WDR81: variants seen among roughly 807,000 people sequenced by gnomAD.
WDR81 encodes the protein WD repeat-containing protein 81.
WDR81 carries 92 observed loss-of-function variants against 140.8 expected under a neutral mutation model. That is an observed-to-expected ratio of 0.65 (90% CI 0.55 to 0.78). WDR81 has a LOEUF of 0.78. Among genes scored for constraint, WDR81 ranks in the 30% least tolerant of loss-of-function variants. The pLI is 0.00. For synonymous variants in WDR81, 1,183 were observed against 1,156.4 expected, an observed-to-expected ratio of 1.02 and a Z score of -0.47; for missense variants, 2,502 against 2,636.4, an observed-to-expected ratio of 0.95 and a Z score of 1.12.
chr17:1,734,198 G>A lies in WDR81; in HGVS notation c.5161G>A (p.Val1721Ile), dbSNP rs143022530. 2.3e-3 allele frequency: 3,632 copies of A among 1,589,606 alleles called. 17 individuals are homozygous for A. Among genetic ancestry groups the A allele is most frequent in the Middle Eastern group, 0.018 (108 of 6,022 alleles). ...HVVSCDGAVHVWDPFTGKTLR... is the reference protein window; with the variant it reads ...HVVSCDGAVHIWDPFTGKTLR... Reference sequence around the variant, plus strand: ...GGTGAGCTGTGACGGGGCTGTGCACGTCTGGGACCCCTTCACAGGTGAGCG... The same window carrying A: ...GGTGAGCTGTGACGGGGCTGTGCACATCTGGGACCCCTTCACAGGTGAGCG... Residue 1721 changes from valine to isoleucine, a missense_variant, in exon 7 of 10, where the codon GTC becomes ATC. Val to Ile is a conservative substitution (Grantham distance 29). Coordinates refer to ENST00000409644, the MANE Select transcript of WDR81 (RefSeq NM_001163809.2).
rs758915205 is a variant in WDR81, at chr17:1,733,513, C to T, written c.4490-14C>T. 29 of 1,511,200 alleles carry T rather than the reference C, an allele frequency of 1.9e-5. No individual in the cohort carries two copies. Among genetic ancestry groups the T allele is most frequent in the East Asian group, 1.6e-4 (7 of 43,628 alleles). 93.6% of individuals were successfully genotyped at this position (1,511,200 alleles called of 1,614,324 possible). A position where few individuals can be genotyped will look rare whatever the true frequency, so the allele number is the denominator to read the frequency against. ...CATCTTCCCTGTCTCAGGACCTCTC[C>T]CACTCCTATCCAGGTGACATCATCC... On this transcript the variant is annotated splice_polypyrimidine_tract_variant and intron_variant, in intron 6 of 9. Coordinates refer to ENST00000409644, the MANE Select transcript of WDR81 (RefSeq NM_001163809.2).
chr17:1,721,536 A>C (rs561705473), upstream of WDR81, among the ~76,000 whole-genome samples: 21 of 151,374 alleles, frequency 1.4e-4, no homozygotes, highest in African/African-American at 5.1e-4. Flanking sequence ...ATAAATAAAA[A>C]ATCACTCGGG....
In WDR81 at chr17:1,735,768, G is replaced by C. The variant is rs372831815; in HGVS notation, c.5325+51G>C. ...ACTCGCCTGGTTCTCTGGGGACCTG[G>C]CAAGGAGGAGAGACTCCCCAAAAAC... On this transcript the variant is annotated intron_variant, in intron 8 of 9. Transcript: ENST00000409644. The surrounding 1 kb of genome is among the most constrained non-coding windows in gnomAD (Gnocchi z 4.2). 3.8e-6 allele frequency: 6 copies of C among 1,560,084 alleles called. No homozygotes were observed. Among genetic ancestry groups the C allele is most frequent in the Non-Finnish European group, 4.3e-6 (5 of 1,153,114 alleles).
chr17:1,720,310 T>C (rs545890672), upstream of WDR81, among the ~76,000 whole-genome samples: 214 of 152,278 alleles, frequency 1.4e-3, no homozygotes, highest in Non-Finnish European at 2.4e-3. Flanking sequence ...GGTGCTTGCA[T>C]TGGGATTCAG....
chr17:1,730,239 G>A (rs900998012), intron 1 of WDR81, 141 bp from the exon 2 acceptor site: 2 of 647,736 alleles, frequency 3.1e-6, no homozygotes, highest in African/African-American at 3.7e-5. Context: ...CGTGGAGGGG[G>A]TGGTGTGGGA....
In WDR81 at chr17:1,719,323, G is replaced by A. The variant is rs539755476; in HGVS notation, c.-124+2690G>A. ...AGCACTTTGGGAGGCTGAGGCAGGC[G>A]GATCACGAGGTCAGGAGATGGAGAA... On this transcript the variant is annotated intron_variant, in intron 1 of 10. Coordinates refer to the WDR81 transcript ENST00000309182. 6.1e-4 allele frequency among the ~76,000 whole-genome samples: 93 copies of A among 151,558 alleles called. 1 individual carries two copies. In the South Asian group the frequency reaches 0.011, roughly 17 times the overall value.
chr17:1,721,016 G>A (rs1021777519), upstream of WDR81, among the ~76,000 whole-genome samples: 1 of 152,148 alleles, frequency 6.6e-6, no homozygotes, highest in Non-Finnish European at 1.5e-5. Context: ...AGAAAAAGTA[G>A]TACCTGCTCA....
chr17:1,726,202 T>C lies in WDR81; in HGVS notation c.1243T>C (p.Phe415Leu). ...CAACAAGGGGGATAAGCAACTGGAC[T>C]TCACGTATGAGATGACACGGCAGGC... The part of the protein sequence containing the change: ...RLNKGDKQLD[F>L]TYEMTRQAFV... The change falls in exon 1 of 10, where the codon TTC (phenylalanine) becomes CTC (leucine). Residue 415 changes from phenylalanine to leucine, a missense_variant. Around this residue, in one of 3 missense-constraint regions of WDR81, gnomAD observed 218 missense variants for 279.6 expected, o/e 0.78. Transcript: ENST00000409644. 2 of 1,525,304 alleles carry C rather than the reference T, an allele frequency of 1.3e-6. No individual in the cohort carries two copies. Among genetic ancestry groups the C allele is most frequent in the Non-Finnish European group, 1.8e-6 (2 of 1,130,718 alleles). The allele number at this position is 1,525,304 out of a possible 1,614,324, so 94.5% of individuals were successfully genotyped here.
chr17:1,717,477 A>C (rs1041296677), intron 1 of WDR81, among the ~76,000 whole-genome samples: 7 of 152,212 alleles, frequency 4.6e-5, no homozygotes, highest in African/African-American at 1.7e-4. Flanking sequence ...CCTTCTGTTA[A>C]ATACGCACTC....
chr17:1,737,642 T>C lies in WDR81; in HGVS notation c.5783T>C (p.Leu1928Pro), dbSNP rs763374471. The C allele has an allele frequency of 1.9e-6, 3 of 1,612,256 alleles. No individual in the cohort carries two copies. The highest frequency in any genetic ancestry group is 2.5e-6 in the Non-Finnish European group (3 of 1,179,916). Residue 1928 changes from leucine to proline, a missense_variant, in exon 10 of 10, where the codon CTC becomes CCC. Around this residue, in one of 3 missense-constraint regions of WDR81, gnomAD observed 1,737 missense variants for 1,843.0 expected, o/e 0.94. Coordinates refer to ENST00000409644, the MANE Select transcript of WDR81 (RefSeq NM_001163809.2). ...SLALLPTKRH[L>P]LLGSDNGVIR... ...GCCTTGCTGCCCACTAAACGCCACC[T>C]CCTGCTGGGCTCAGACAACGGGGTT...
Position 1,725,118 on chromosome 17 carries a change from C to T in WDR81, c.159C>T (p.His53=). 1 of 1,519,478 alleles carries T rather than the reference C, an allele frequency of 6.6e-7. No homozygotes were observed. Among genetic ancestry groups the T allele is most frequent in the Non-Finnish European group, 8.8e-7 (1 of 1,135,240 alleles). 94.1% of individuals were successfully genotyped at this position (1,519,478 alleles called of 1,614,324 possible). The change falls in exon 1 of 10, where the codon CAC becomes CAT. Residue 53 remains histidine, a synonymous_variant. Transcript: ENST00000409644. ...TGGCTCCGGCCCCGGGGGGCACCCA[C>T]GTGGTGGCCCTAGTGCCTGCGCGCT... ...RQLAPAPGGT[H]VVALVPARWL...
chr17:1,728,723 G>C, intron 1 of WDR81, 97 bp downstream of exon 1: 4 of 1,367,006 alleles, frequency 2.9e-6, no homozygotes, highest in Non-Finnish European at 3.8e-6. Flanking sequence ...GGGAGGCTGA[G>C]GCGGGCGGAT....
Position 1,726,357 on chromosome 17 carries a change from C to T in WDR81, c.1398C>T (p.His466=), listed in dbSNP as rs766236295. 15 of 1,548,338 alleles carry T rather than the reference C, an allele frequency of 9.7e-6. No homozygotes were observed. The highest frequency in any genetic ancestry group is 7.2e-5 in the South Asian group (6 of 83,820). The part of the protein sequence containing the change: ...RRTPRSVLCG[H]VRAQWEPHEY... Reference sequence around the variant, plus strand: ...CGCCTCGGTCGGTGCTCTGCGGACACGTCCGCGCGCAGTGGGAGCCCCATG... The same window carrying T: ...CGCCTCGGTCGGTGCTCTGCGGACATGTCCGCGCGCAGTGGGAGCCCCATG... Residue 466 remains histidine, a synonymous_variant, in exon 1 of 10, where the codon CAC becomes CAT. Transcript: ENST00000409644.
In WDR81 at chr17:1,725,671, G is replaced by A. The variant is rs1379571849; in HGVS notation, c.712G>A (p.Val238Ile). ...GATGCTGTATGTGGTACACCCTTAC[G>A]TACAGTTCTCCCTACATGACGTGGT... is the stretch of plus-strand genomic sequence containing the variant. ...PEMLYVVHPYVQFSLHDVVTF... is the reference protein window; with the variant it reads ...PEMLYVVHPYIQFSLHDVVTF... Residue 238 changes from valine (V) to isoleucine (I), a missense_variant, in exon 1 of 10, where the codon GTA becomes ATA. Physicochemically the swap from Val to Ile is conservative, Grantham distance 29. Coordinates refer to ENST00000409644, the MANE Select transcript of WDR81 (RefSeq NM_001163809.2). 1.9e-6 allele frequency: 3 copies of A among 1,548,026 alleles called. No homozygotes were observed. The highest frequency in any genetic ancestry group is 2.4e-5 in the East Asian group (1 of 40,916).
Position 1,728,198 on chromosome 17 carries a change from C to A in WDR81, c.3239C>A (p.Pro1080His). 1 of 1,605,852 alleles carries A rather than the reference C, an allele frequency of 6.2e-7. No homozygotes were observed. Among genetic ancestry groups the A allele is most frequent in the Non-Finnish European group, 8.5e-7 (1 of 1,174,536 alleles). The change falls in exon 1 of 10, where the codon CCT becomes CAT. Residue 1080 changes from proline to histidine, a missense_variant. Transcript: ENST00000409644. ...GVSFHDQADL[P>H]ETEDFQAGLY... ...AGCTTCCACGACCAGGCTGACCTCCCTGAGACAGAGGACTTCCAAGCCGGG... is the reference window on the plus strand; with the variant it reads ...AGCTTCCACGACCAGGCTGACCTCCATGAGACAGAGGACTTCCAAGCCGGG...
intron 9 of WDR81, 32 bp from the exon 10 acceptor site, chr17:1,737,333 G>T (rs1405598098): frequency 1.3e-6 from 2 of 1,567,212 alleles, no homozygotes; most frequent in African/African-American, 1.3e-5. Flanking sequence ...AAGGACCCAG[G>T]CTCCTGCTGA....
chr17:1,723,969 G>A (rs1205437989), upstream of WDR81, among the ~76,000 whole-genome samples: 1 of 152,170 alleles, frequency 6.6e-6, no homozygotes, highest in African/African-American at 2.4e-5. Context: ...AGAGTGTGTT[G>A]CGAGGGCCAA....
chr17:1,737,903 G>A lies in WDR81; in HGVS notation c.*218G>A. On this transcript the variant is annotated 3_prime_UTR_variant, in exon 10 of 10. Coordinates refer to ENST00000409644, the MANE Select transcript of WDR81 (RefSeq NM_001163809.2). Reference sequence around the variant, plus strand: ...GCCTGCCAGAGGGGTCTCATTCATGGCTTGGGGACACAGGGCTCCTAGCAA... The same window carrying A: ...GCCTGCCAGAGGGGTCTCATTCATGACTTGGGGACACAGGGCTCCTAGCAA... The A allele has an allele frequency of 3.2e-6, 2 of 624,170 alleles. No individual in the cohort carries two copies. Among genetic ancestry groups the A allele is most frequent in the Non-Finnish European group, 5.5e-6 (2 of 363,182 alleles). The allele number at this position is 624,170 out of a possible 1,614,324, so 38.7% of individuals were successfully genotyped here. A position where few individuals can be genotyped will look rare whatever the true frequency, so the allele number is the denominator to read the frequency against.
chr17:1,733,323 A>T (rs1045378567), intron 6 of WDR81, among the ~76,000 whole-genome samples: 12 of 152,232 alleles, frequency 7.9e-5, no homozygotes, highest in African/African-American at 2.9e-4. Flanking sequence ...GGCACGGCAC[A>T]TATAGAAGAT....
Sources: allele counts gnomAD v4.1 joint callset (sites outside exome capture counted in the v4.1 genomes callset), GRCh38; gene constraint gnomAD v4.1.1; regional missense constraint gnomAD v4.1.1; non-coding constraint Gnocchi (gnomAD v3.1); transcripts MANE v1.5; gene names NCBI Gene and HGNC (gene_info 2026-07-23, HGNC 2026-07-21).